The following SHOC2 variants were observed in gnomAD, a reference collection of about 807,000 sequenced individuals.
SHOC2 encodes the protein SHOC2 leucine rich repeat scaffold protein.
In SHOC2, 4 loss-of-function variants were observed where a neutral mutation model predicts 50.2. The ratio of observed to expected loss-of-function variants is 0.08; its 90% confidence interval spans 0.04 to 0.18. The LOEUF is 0.18. Among genes scored for constraint, SHOC2 ranks in the 10% least tolerant of loss-of-function variants. The pLI, the probability that SHOC2 is intolerant of heterozygous loss-of-function variation, is 1.00. For missense variants in SHOC2, 388 were observed against 669.6 expected (o/e 0.58, Z 4.64); for synonymous variants, 218 against 244.5 (o/e 0.89, Z 1.01).
intron 2 of SHOC2, 142 bp from the exon 3 acceptor site, chr10:110,985,486 A>G: frequency 1.8e-6 from 1 of 566,298 alleles, no homozygotes; most frequent in Non-Finnish European, 3.1e-6. Flanking sequence ...TTAAAATTTT[A>G]AAATAAAAGT....
In SHOC2 at chr10:111,011,823, A is replaced by G; in HGVS notation, c.*5A>G. 6.2e-7 allele frequency: 1 copy of G among 1,608,252 alleles called. No homozygotes were observed. The highest frequency in any genetic ancestry group is 8.5e-7 in the Non-Finnish European group (1 of 1,174,732). On this transcript the variant is annotated 3_prime_UTR_variant, in exon 9 of 9. Coordinates refer to ENST00000369452, the MANE Select transcript of SHOC2 (RefSeq NM_007373.4). ...CCATATCGTGCCATGGTCTGATATA[A>G]ATCTGCTGGTCCCACACACTGTTCA... is the stretch of plus-strand genomic sequence containing the variant.
At chr10:110,954,788 TAA>T (rs1564710943) in intron 1 of SHOC2, among the ~76,000 whole-genome samples, 65 of 152,138 alleles carry the variant, frequency 4.3e-4, no homozygotes, top group Non-Finnish European at 9.1e-4. Context: ...CTAAATATTA[TAA>T]AGAGTCAGCC....
chr10:110,939,021 T>TC (rs1415603999), intron 1 of SHOC2, among the ~76,000 whole-genome samples: 2 of 152,156 alleles, frequency 1.3e-5, no homozygotes, highest in Non-Finnish European at 2.9e-5. Context: ...GTATTAAACA[T>TC]CAAAAATTGA....
rs777535601 is a variant in SHOC2 at position 110,936,672 on chromosome 10, T to C, written c.-235+17015T>C. The stretch of plus-strand genomic sequence containing the variant: ...AGGACCTCTGTGTATTTGTCAGTTT[T>C]CTTCTCCATGTTCCTCTTGGCCTGT... On this transcript the variant is annotated intron_variant, in intron 1 of 8. Coordinates refer to ENST00000369452, the MANE Select transcript of SHOC2 (RefSeq NM_007373.4). The C allele has an allele frequency of 2.1e-5, 23 of 1,070,564 alleles. No homozygotes were observed. In the South Asian group the frequency reaches 3.0e-4, roughly 14 times the overall value. The allele number at this position is 1,070,564 out of a possible 1,614,324, so 66.3% of individuals were successfully genotyped here.
chr10:110,987,987 G>A (rs909755357), intron 3 of SHOC2, among the ~76,000 whole-genome samples: 1 of 152,046 alleles, frequency 6.6e-6, no homozygotes, highest in African/African-American at 2.4e-5. Flanking sequence ...TGGCAGATAG[G>A]ACTAGACGTT....
chr10:110,922,485 T>G (rs1341607447), intron 1 of SHOC2, among the ~76,000 whole-genome samples: 2 of 152,144 alleles, frequency 1.3e-5, no homozygotes, highest in Non-Finnish European at 2.9e-5. Context: ...TAAAAATATT[T>G]AAATACAGAA....
At chr10:110,925,488 T>C (rs780916144) in intron 1 of SHOC2, among the ~76,000 whole-genome samples, 6 of 152,224 alleles carry the variant, frequency 3.9e-5, no homozygotes. Context: ...AGGGTCTCGC[T>C]CTGTCACCCA....
At chr10:110,956,191 T>C (rs1458570926) in intron 1 of SHOC2, among the ~76,000 whole-genome samples, 1 of 149,740 alleles carries the variant, frequency 6.7e-6, no homozygotes, top group African/African-American at 2.4e-5. Context: ...ACATTTCATG[T>C]CTTTTTTTTT....
chr10:110,993,963 C>T (rs6585026), intron 3 of SHOC2, among the ~76,000 whole-genome samples: 131,702 of 152,154 alleles, frequency 0.87, 57,097 homozygotes, highest in East Asian at 0.95. Flanking sequence ...ATGGAGACTT[C>T]TCTCTGTTAA....
rs1477853004 is a variant in SHOC2 at position 111,012,973 on chromosome 10, C to A, written c.*1155C>A. 1 of 152,606 alleles carries A rather than the reference C, an allele frequency of 6.6e-6. No homozygotes were observed. Among genetic ancestry groups the A allele is most frequent in the Non-Finnish European group, 1.5e-5 (1 of 68,038 alleles). 9.5% of individuals were successfully genotyped at this position (152,606 alleles called of 1,614,324 possible). On this transcript the variant is annotated 3_prime_UTR_variant, in exon 9 of 9. Coordinates refer to ENST00000369452, the MANE Select transcript of SHOC2 (RefSeq NM_007373.4). ...CTGCTGAACTAAATGCACTTTTCCC[C>A]ACATATGGGGCACTGGCTTCAAACA...
chr10:111,007,405 A>G (rs1848490208), intron 5 of SHOC2, 126 bp from the exon 6 acceptor site: 2 of 1,078,598 alleles, frequency 1.9e-6, no homozygotes, highest in South Asian at 1.4e-5. Flanking sequence ...TTTTCTTTCT[A>G]TATTTAAATA....
intron 2 of SHOC2, among the ~76,000 whole-genome samples, chr10:110,967,413 T>C (rs2134125014): frequency 6.6e-6 from 1 of 152,322 alleles, no homozygotes; most frequent in South Asian, 2.1e-4. Context: ...TATGTGCAAC[T>C]GCAGTTGAAA....
chr10:110,926,921 A>G (rs1195302600), intron 1 of SHOC2, among the ~76,000 whole-genome samples: 1 of 152,220 alleles, frequency 6.6e-6, no homozygotes, highest in Non-Finnish European at 1.5e-5. Flanking sequence ...GTGCAGTATA[A>G]TATACTACCT....
At chr10:110,954,006 C>T (rs555667121) in intron 1 of SHOC2, among the ~76,000 whole-genome samples, 57 of 150,734 alleles carry the variant, frequency 3.8e-4, no homozygotes, top group African/African-American at 1.3e-3. Flanking sequence ...TTTTTGTTGA[C>T]CAAAAATTTG....
intron 1 of SHOC2, among the ~76,000 whole-genome samples, chr10:110,923,265 T>C (rs1480920681): frequency 3.9e-5 from 6 of 152,080 alleles, no homozygotes; most frequent in African/African-American, 1.2e-4. Flanking sequence ...TATGGTATGC[T>C]TGAACTTCAT....
chr10:110,970,242 T>G (rs1564716608), intron 2 of SHOC2, among the ~76,000 whole-genome samples: 1 of 152,210 alleles, frequency 6.6e-6, no homozygotes, highest in Non-Finnish European at 1.5e-5. Context: ...TAACCACTAT[T>G]CTACTCGCTA....
rs575976039 is a variant in SHOC2, at chr10:110,937,279, A to G, written c.-235+17622A>G. On this transcript the variant is annotated intron_variant, in intron 1 of 8. Transcript: ENST00000369452. Reference sequence around the variant, plus strand: ...AGCTGCTTTTTTTTTTTTTGGTCCAATCCTGACTCTGTGTTTCAGTGATGC... The same window carrying G: ...AGCTGCTTTTTTTTTTTTTGGTCCAGTCCTGACTCTGTGTTTCAGTGATGC... The G allele has an allele frequency of 4.7e-4, 359 of 769,114 alleles. 1 individual carries two copies. Among genetic ancestry groups the G allele is most frequent in the African/African-American group, 4.3e-3 (251 of 58,688 alleles). The allele number at this position is 769,114 out of a possible 1,614,324, so 47.6% of individuals were successfully genotyped here. A position where few individuals can be genotyped will look rare whatever the true frequency, so the allele number is the denominator to read the frequency against.
At chr10:110,919,406 C>T, upstream of SHOC2, 1 of 392,450 alleles carries the variant, frequency 2.5e-6, no homozygotes, top group South Asian at 1.4e-4. Flanking sequence ...GCTGGCGGCA[C>T]TGCCCGTCTC....
chr10:110,993,522 C>T (rs766549215), intron 3 of SHOC2, among the ~76,000 whole-genome samples: 10 of 152,072 alleles, frequency 6.6e-5, no homozygotes, highest in Non-Finnish European at 1.2e-4. Flanking sequence ...ACAGCCTATT[C>T]TCATAGATTA....
Sources: gnomAD v4.1 joint callset for allele counts (sites outside exome capture counted in the v4.1 genomes callset) on GRCh38, gnomAD v4.1.1 for gene constraint, MANE v1.5 for transcripts, NCBI Gene and HGNC (gene_info 2026-07-23, HGNC 2026-07-21) for gene names.